Variants in GPC5 observed in about 807,000 individuals in gnomAD.
GPC5 encodes glypican-5.
In GPC5, 47 loss-of-function variants were observed where a neutral mutation model predicts 53.9. The ratio of observed to expected loss-of-function variants is 0.87; its 90% CI spans 0.69 to 1.11. The LOEUF (loss-of-function observed/expected upper bound fraction) is 1.11, where lower values mean the gene tolerates loss of function less well. Among genes scored for constraint, GPC5 ranks in the 50% most tolerant of loss-of-function variants. The pLI is 0.00. For synonymous variants in GPC5, 286 were observed against 263.3 expected (o/e 1.09, Z -0.84); for missense variants, 748 against 713.1 (o/e 1.05, Z -0.56).
At chr13:91,736,841 C>T (rs763367136) in intron 4 of GPC5, among the ~76,000 whole-genome samples, 12 of 151,184 alleles carry the variant, frequency 7.9e-5, no homozygotes, top group Non-Finnish European at 1.3e-4. Flanking sequence ...TGAGAACTCC[C>T]ACTGGGCAAG....
chr13:92,075,071 TTTC>T, intron 6 of GPC5, among the ~76,000 whole-genome samples: 1 of 152,344 alleles, frequency 6.6e-6, no homozygotes, highest in East Asian at 1.9e-4. Context: ...TTGAAATTTT[TTTC>T]TTATTTGTAT....
intron 2 of GPC5, among the ~76,000 whole-genome samples, chr13:91,638,049 A>G (rs1231722722): frequency 6.6e-6 from 1 of 152,258 alleles, no homozygotes; most frequent in Non-Finnish European, 1.5e-5. Flanking sequence ...AGAGCTCATG[A>G]CAAAGGCAAA....
intron 7 of GPC5, among the ~76,000 whole-genome samples, chr13:92,285,017 T>G (rs2042943612): frequency 6.6e-6 from 1 of 152,126 alleles, no homozygotes; most frequent in Admixed American, 6.5e-5. Context: ...CAAAATCTCT[T>G]TACACTGATA....
chr13:91,408,237 G>T lies in GPC5; in HGVS notation c.163+9028G>T, dbSNP rs147662631. On this transcript the variant is annotated intron_variant, in intron 1 of 7. Coordinates refer to ENST00000377067, the MANE Select transcript of GPC5 (RefSeq NM_004466.6). ...CTCCTCCCCAACAGCCCCAGCTCCT[G>T]ATAATCACCATTCTCCTCTCTCTTT... is the stretch of plus-strand genomic sequence containing the variant. 5.3e-5 allele frequency among the ~76,000 whole-genome samples: 8 copies of T among 152,198 alleles called. No homozygotes were observed. The East Asian group carries it at 1.4e-3, about 26-fold the overall frequency.
At position 92,257,021 on chromosome 13, in the gene GPC5, TA is replaced by T. The variant is rs2042730854; in HGVS notation, c.1561+112033del. ...CACTCTTCGATTCTATGAATTTGAC[TA>T]TTTTAGATATCTAAAATAGTCATGC... On this transcript the variant is annotated intron_variant, in intron 7 of 7. Coordinates refer to ENST00000377067, the MANE Select transcript of GPC5 (RefSeq NM_004466.6). Among the ~76,000 whole-genome samples, 10 of 151,868 alleles carry T rather than the reference TA, an allele frequency of 6.6e-5. No homozygotes were observed. The South Asian group carries it at 2.1e-3, about 31-fold the overall frequency.
chr13:91,614,244 A>G (rs2033636394), intron 2 of GPC5, among the ~76,000 whole-genome samples: 1 of 152,190 alleles, frequency 6.6e-6, no homozygotes, highest in African/African-American at 2.4e-5. Flanking sequence ...CTGTAATATG[A>G]AGGGATAATT....
At chr13:91,697,096 T>C (rs1354792427) in intron 3 of GPC5, among the ~76,000 whole-genome samples, 2 of 152,236 alleles carry the variant, frequency 1.3e-5, no homozygotes, top group African/African-American at 4.8e-5. Context: ...TTACCAGTTA[T>C]CACTATCACA....
intron 7 of GPC5, among the ~76,000 whole-genome samples, chr13:92,756,937 C>G (rs200885181): frequency 6.6e-6 from 1 of 151,210 alleles, no homozygotes; most frequent in South Asian, 2.1e-4. Flanking sequence ...ATGCCATCCC[C>G]ATCAAGCTAC....
intron 7 of GPC5, chr13:92,448,345 A>C (rs1877917218): frequency 6.6e-6 from 1 of 152,262 alleles, no homozygotes; most frequent in East Asian, 1.9e-4. Context: ...ATAGCAAATG[A>C]ATGACTCATT....
At chr13:92,824,261 T>C (rs1356446781) in intron 7 of GPC5, among the ~76,000 whole-genome samples, 1 of 152,110 alleles carries the variant, frequency 6.6e-6, no homozygotes, top group South Asian at 2.1e-4. Context: ...CCGCCTCTTC[T>C]TCTCTCTAGA....
In GPC5 at chr13:91,895,786, C is replaced by T. The variant is rs367849442; in HGVS notation, c.1281-12151C>T. Among the ~76,000 whole-genome samples, 8 of 152,114 alleles carry T rather than the reference C, an allele frequency of 5.3e-5. No homozygotes were observed. In the East Asian group the frequency reaches 7.8e-4, roughly 15 times the overall value. On this transcript the variant is annotated intron_variant, in intron 5 of 7. Transcript: ENST00000377067. ...GGCTGCTAGGACAAACGATCATGAA[C>T]GGAGTGATTTCAATCTACAGGAATT...
In GPC5 at chr13:91,973,601, T is replaced by A. The variant is rs542373990; in HGVS notation, c.1401+65544T>A. 3.1e-3 allele frequency among the ~76,000 whole-genome samples: 468 copies of A among 152,336 alleles called. 2 individuals carry two copies. Among genetic ancestry groups the A allele is most frequent in the African/African-American group, 0.011 (449 of 41,572 alleles). On this transcript the variant is annotated intron_variant, in intron 6 of 7. Transcript: ENST00000377067. ...TTTTTTCCCCATCTTTGTGGTTTTA[T>A]CTACTTTTGGTCTTTGATGATGGTG...
chr13:92,711,488 A>G (rs1470100410), intron 7 of GPC5, among the ~76,000 whole-genome samples: 1 of 152,096 alleles, frequency 6.6e-6, no homozygotes, highest in Non-Finnish European at 1.5e-5. Flanking sequence ...GAAGAGACAA[A>G]CCTATAATTA....
chr13:92,828,172 C>G (rs1157868511), intron 7 of GPC5, among the ~76,000 whole-genome samples: 1 of 152,076 alleles, frequency 6.6e-6, no homozygotes, highest in African/African-American at 2.4e-5. Flanking sequence ...CCCCCTCACC[C>G]TATCTCCAAA....
chr13:92,412,130 T>C (rs2139350653), intron 7 of GPC5, among the ~76,000 whole-genome samples: 1 of 152,342 alleles, frequency 6.6e-6, no homozygotes, highest in East Asian at 1.9e-4. Context: ...TTTGACATCT[T>C]TGATCCTCTG....
intron 7 of GPC5, among the ~76,000 whole-genome samples, chr13:92,325,607 A>G (rs1014129925): frequency 2.0e-5 from 3 of 152,096 alleles, no homozygotes; most frequent in Non-Finnish European, 4.4e-5. Flanking sequence ...TCCTTTCACT[A>G]GGCAAACAGA....
chr13:91,427,311 G>A (rs1466783145), intron 1 of GPC5, among the ~76,000 whole-genome samples: 2 of 152,208 alleles, frequency 1.3e-5, no homozygotes, highest in Non-Finnish European at 2.9e-5. Context: ...CAGCCAGGAG[G>A]GGTGTTGCAC....
chr13:91,590,967 T>G (rs2032774664), intron 2 of GPC5, among the ~76,000 whole-genome samples: 1 of 152,328 alleles, frequency 6.6e-6, no homozygotes. Context: ...CCTAGTTACG[T>G]GACTGTGCCT....
intron 7 of GPC5, among the ~76,000 whole-genome samples, chr13:92,426,476 G>T (rs1469969776): frequency 6.6e-6 from 1 of 151,972 alleles, no homozygotes; most frequent in Non-Finnish European, 1.5e-5. Context: ...CTTTCTTTCA[G>T]TCTCTTTATA....
Sources: allele counts gnomAD v4.1 joint callset (sites outside exome capture counted in the v4.1 genomes callset), GRCh38; gene constraint gnomAD v4.1.1; transcripts MANE v1.5; gene names NCBI Gene and HGNC (gene_info 2026-07-23, HGNC 2026-07-21).